The following LRRC73 variants were observed in gnomAD, a reference collection of about 807,000 sequenced individuals.
LRRC73 encodes the protein leucine-rich repeat-containing protein 73.
A neutral mutation model predicts 26.4 loss-of-function variants in LRRC73; 16 were observed. That is an observed-to-expected ratio of 0.61 (90% CI 0.41 to 0.92). The LOEUF (loss-of-function observed/expected upper bound fraction) is 0.92. LRRC73 is among the 40% of genes least tolerant of loss of function. The pLI, the probability that LRRC73 is intolerant of heterozygous loss-of-function variation, is 0.00. For synonymous variants in LRRC73, 210 were observed against 179.8 expected (o/e 1.17, Z -1.34); for missense variants, 344 against 416.3 (o/e 0.83, Z 1.51).
chr6:43,507,803 G>A (rs986378482), intron 4 of LRRC73, 23 bp downstream of exon 4: 4 of 1,610,462 alleles, frequency 2.5e-6, no homozygotes, highest in Non-Finnish European at 3.4e-6. Context: ...CCCTGGCCGT[G>A]CCCAAACATG....
At chr6:43,509,818 C>G in exon 1 of LRRC73, 1 of 1,472,444 alleles carries the variant, frequency 6.8e-7, no homozygotes, top group Non-Finnish European at 8.9e-7. Flanking sequence ...GGTACGGGGC[C>G]GGAACGGAGG....
intron 3 of LRRC73, 118 bp downstream of exon 3, chr6:43,508,180 G>A: frequency 1.4e-6 from 2 of 1,408,936 alleles, no homozygotes; most frequent in Non-Finnish European, 9.5e-7. Flanking sequence ...TTGACCCCTG[G>A]GGGCTCCCGT....
At chr6:43,508,070 G>C in intron 3 of LRRC73, 144 bp from the exon 4 acceptor site, 1 of 973,878 alleles carries the variant, frequency 1.0e-6, no homozygotes, top group Non-Finnish European at 1.5e-6. Context: ...AGGGATCATT[G>C]TGATTGGTGA....
chr6:43,507,865 T>C (rs751104045), exon 4 of LRRC73: 1 of 1,613,776 alleles, frequency 6.2e-7, no homozygotes, highest in African/African-American at 1.3e-5. Context: ...CCTCCAAGTC[T>C]AGGACCTCTA....
At chr6:43,508,675 G>T in intron 2 of LRRC73, 85 bp downstream of exon 2, 1 of 1,510,220 alleles carries the variant, frequency 6.6e-7, no homozygotes, top group East Asian at 2.3e-5. Context: ...CATCATCAGA[G>T]CTCTGGGGCC....
At chr6:43,507,891 C>T in exon 4 of LRRC73, 6 of 1,613,952 alleles carry the variant, frequency 3.7e-6, no homozygotes, top group South Asian at 1.1e-5. Context: ...CGACTAGAGG[C>T]CACAGCTACA....
Position 43,507,813 on chromosome 6 carries a change from G to T in LRRC73, c.657+13C>A. 1 of 1,612,786 alleles carries T rather than the reference G, an allele frequency of 6.2e-7. No individual in the cohort carries two copies. Among genetic ancestry groups the T allele is most frequent in the South Asian group, 1.1e-5 (1 of 90,890 alleles). On this transcript the variant is annotated intron_variant, in intron 4 of 5. Coordinates refer to ENST00000372441, the Ensembl canonical transcript of LRRC73. The stretch of plus-strand genomic sequence containing the variant: ...CCATCCCCTGGCCGTGCCCAAACAT[G>T]ACGACTTCCCACCTGAGCTGACTGG...
At chr6:43,508,258 T>A in intron 3 of LRRC73, 40 bp downstream of exon 3, 1 of 1,578,358 alleles carries the variant, frequency 6.3e-7, no homozygotes, top group Non-Finnish European at 8.6e-7. Context: ...GGATAGGGCA[T>A]GAGGCAGTGA....
At chr6:43,509,772 G>C (rs1206759502) in exon 1 of LRRC73, 1 of 1,573,280 alleles carries the variant, frequency 6.4e-7, no homozygotes, top group Non-Finnish European at 8.6e-7. Flanking sequence ...AATCTGGATG[G>C]AGCTGGGCAG....
intron 2 of LRRC73, 98 bp from the exon 3 acceptor site, chr6:43,508,518 T>G: frequency 6.4e-7 from 1 of 1,557,690 alleles, no homozygotes; most frequent in Admixed American, 1.8e-5. Flanking sequence ...CCCTAGTGGC[T>G]GGGCACCACC....
chr6:43,509,846 G>A, exon 1 of LRRC73: 1 of 1,391,214 alleles, frequency 7.2e-7, no homozygotes, highest in Non-Finnish European at 9.3e-7. Flanking sequence ...GGCCGCGGGC[G>A]GGGCCGGGGA....
rs773671656 is a variant in LRRC73, at chr6:43,509,640, C to A, written c.146G>T (p.Cys49Phe). The change falls in exon 1 of 6, where the codon TGC (cysteine) becomes TTC (phenylalanine). Residue 49 changes from cysteine to phenylalanine, a missense_variant. Transcript: ENST00000372441. ...GGACGTGGCCCCGGCCAGGGCCCGGCAGATGCGGCCAAAGTCGCGGTCGCA... is the reference window on the plus strand; with the variant it reads ...GGACGTGGCCCCGGCCAGGGCCCGGAAGATGCGGCCAAAGTCGCGGTCGCA... 2.5e-6 allele frequency: 4 copies of A among 1,600,728 alleles called. No individual in the cohort carries two copies. In the South Asian group the frequency reaches 4.5e-5, roughly 18 times the overall value.
exon 1 of LRRC73, chr6:43,509,568 C>T (rs1044589764): frequency 1.9e-6 from 3 of 1,609,556 alleles, no homozygotes; most frequent in Non-Finnish European, 2.5e-6. Context: ...CTGCTTGATG[C>T]GGCTGGGGCT....
chr6:43,509,827 G>A, exon 1 of LRRC73: 1 of 1,436,508 alleles, frequency 7.0e-7, no homozygotes. Context: ...CCGGAACGGA[G>A]GTTGGTGGGG....
At chr6:43,508,454 G>C in intron 2 of LRRC73, 34 bp from the exon 3 acceptor site, 2 of 1,612,570 alleles carry the variant, frequency 1.2e-6, no homozygotes, top group Non-Finnish European at 1.7e-6. Flanking sequence ...CCAGAATAGG[G>C]AGGGTTAAGC....
exon 6 of LRRC73, chr6:43,507,281 G>A (rs752405106): frequency 1.6e-5 from 26 of 1,613,870 alleles, no homozygotes; most frequent in East Asian, 4.5e-5. Context: ...TAGTCCTGAC[G>A]TCATTAGCAC....
At chr6:43,509,105 T>C (rs571105526) in intron 1 of LRRC73, among the ~76,000 whole-genome samples, 185 bp from the exon 2 acceptor site, 3 of 152,036 alleles carry the variant, frequency 2.0e-5, no homozygotes, top group Non-Finnish European at 4.4e-5. Flanking sequence ...TTCGGTTTGT[T>C]TTCTGGGGCA....
chr6:43,508,319 T>G, exon 3 of LRRC73: 1 of 1,613,030 alleles, frequency 6.2e-7, no homozygotes, highest in Non-Finnish European at 8.5e-7. Flanking sequence ...TAATCCAGAT[T>G]GAGGACGCGG....
chr6:43,507,402 C>T, intron 5 of LRRC73, 54 bp downstream of exon 5: 1 of 1,609,696 alleles, frequency 6.2e-7, no homozygotes, highest in Non-Finnish European at 8.5e-7. Context: ...ACCCACTCTC[C>T]CTTGTCCCGA....
Sources: allele counts gnomAD v4.1 joint callset (sites outside exome capture counted in the v4.1 genomes callset), GRCh38; gene constraint gnomAD v4.1.1; transcripts MANE v1.5; gene names NCBI Gene and HGNC (gene_info 2026-07-23, HGNC 2026-07-21).